AP1S3: variants seen among roughly 807,000 people sequenced by gnomAD.
AP1S3 encodes the protein AP-1 complex subunit sigma-3.
AP1S3 carries 10 observed loss-of-function variants against 20.9 expected under a neutral mutation model. The ratio of observed to expected loss-of-function variants is 0.48; its 90% CI spans 0.29 to 0.81. The LOEUF (loss-of-function observed/expected upper bound fraction) is 0.81. AP1S3 is among the 30% of genes least tolerant of loss of function. The pLI, the probability that AP1S3 is intolerant of heterozygous loss-of-function variation, is 0.08. For missense variants in AP1S3, 154 were observed against 183.8 expected (o/e 0.84, Z 0.94); for synonymous variants, 41 against 61.5 (o/e 0.67, Z 1.56).
At chr2:223,787,263 C>A (rs1691099637) in intron 1 of AP1S3, among the ~76,000 whole-genome samples, 1 of 152,204 alleles carries the variant, frequency 6.6e-6, no homozygotes, top group Non-Finnish European at 1.5e-5. Context: ...CCTTCAGAAC[C>A]ATGGGCCAAT....
chr2:223,814,455 C>A (rs899999437), intron 1 of AP1S3, among the ~76,000 whole-genome samples: 6 of 152,182 alleles, frequency 3.9e-5, no homozygotes, highest in African/African-American at 1.4e-4. Flanking sequence ...GGCCTTTCTG[C>A]TTCTCAGGCA....
At chr2:223,770,979 C>T (rs1482848619) in intron 3 of AP1S3, among the ~76,000 whole-genome samples, 1 of 152,026 alleles carries the variant, frequency 6.6e-6, no homozygotes, top group African/African-American at 2.4e-5. Context: ...AGTGATCCCC[C>T]CCACCTTGGC....
chr2:223,828,692 C>T (rs1376813142), intron 1 of AP1S3, among the ~76,000 whole-genome samples: 1 of 151,754 alleles, frequency 6.6e-6, no homozygotes, highest in Non-Finnish European at 1.5e-5. Flanking sequence ...AACACACTCT[C>T]TGAGGCCCAG....
chr2:223,823,312 C>T (rs1057265289), intron 1 of AP1S3, among the ~76,000 whole-genome samples: 1 of 152,190 alleles, frequency 6.6e-6, no homozygotes, highest in Non-Finnish European at 1.5e-5. Flanking sequence ...CCTCACTCTT[C>T]ACAATGGCCC....
chr2:223,823,704 T>C (rs1407384500), intron 1 of AP1S3, among the ~76,000 whole-genome samples: 2 of 152,172 alleles, frequency 1.3e-5, no homozygotes, highest in Non-Finnish European at 2.9e-5. Context: ...AAACAATGTA[T>C]TATATACTTG....
Position 223,833,136 on chromosome 2 carries a change from C to T in AP1S3, c.3+4312G>A, listed in dbSNP as rs558712730. Among the ~76,000 whole-genome samples, 12 of 151,966 alleles carry T rather than the reference C, an allele frequency of 7.9e-5. No homozygotes were observed. In the Middle Eastern group the frequency reaches 0.01, roughly 129 times the overall value. The stretch of plus-strand genomic sequence containing the variant: ...GTGTCACCTCAACTTTTCAGAAGCA[C>T]ATGGACTACATACATCAAAGTCCAC... On this transcript the variant is annotated intron_variant, in intron 1 of 4. Coordinates refer to ENST00000396654, the MANE Select transcript of AP1S3 (RefSeq NM_001039569.2).
chr2:223,760,938 C>T (rs182493409), intron 4 of AP1S3, among the ~76,000 whole-genome samples: 23 of 152,226 alleles, frequency 1.5e-4, no homozygotes, highest in South Asian at 6.2e-4. Flanking sequence ...CCTGTAGCCT[C>T]GGGAGGGGCC....
At chr2:223,806,010 T>G (rs966812082) in intron 1 of AP1S3, among the ~76,000 whole-genome samples, 25 of 151,998 alleles carry the variant, frequency 1.6e-4, no homozygotes, top group African/African-American at 5.8e-4. Context: ...GAAAGAGAAC[T>G]AAAAAGAACA....
chr2:223,822,295 G>C (rs1269569025), intron 1 of AP1S3, among the ~76,000 whole-genome samples: 10 of 152,014 alleles, frequency 6.6e-5, no homozygotes, highest in Admixed American at 5.9e-4. Flanking sequence ...GGGAGGCTGA[G>C]ACAAGAGGAT....
At chr2:223,788,383 C>T (rs1024479447) in intron 1 of AP1S3, among the ~76,000 whole-genome samples, 6 of 151,528 alleles carry the variant, frequency 4.0e-5, no homozygotes, top group Admixed American at 2.0e-4. Flanking sequence ...GAGACCGAGG[C>T]GGGCACATCA....
At chr2:223,794,453 T>C (rs901431723) in intron 1 of AP1S3, among the ~76,000 whole-genome samples, 3 of 152,192 alleles carry the variant, frequency 2.0e-5, no homozygotes, top group Admixed American at 6.5e-5. Context: ...CAGGGTTTTA[T>C]TGGGTATCAG....
chr2:223,778,098 T>C (rs1294321628), intron 1 of AP1S3, among the ~76,000 whole-genome samples: 1 of 151,588 alleles, frequency 6.6e-6, no homozygotes, highest in Non-Finnish European at 1.5e-5. Flanking sequence ...AGGAGAAAAA[T>C]AAGTTTTTTT....
chr2:223,794,431 C>A (rs2106105775), intron 1 of AP1S3, among the ~76,000 whole-genome samples: 1 of 152,154 alleles, frequency 6.6e-6, no homozygotes, highest in East Asian at 1.9e-4. Flanking sequence ...GAAAGCCTTC[C>A]TTTAAAAAGC....
intron 1 of AP1S3, among the ~76,000 whole-genome samples, chr2:223,824,583 G>C (rs563413326): frequency 6.6e-6 from 1 of 152,028 alleles, no homozygotes; most frequent in African/African-American, 2.4e-5. Flanking sequence ...TGTCGCCCAG[G>C]CTGAAGTGCA....
chr2:223,825,617 C>T (rs1441221285), intron 1 of AP1S3, among the ~76,000 whole-genome samples: 1 of 152,194 alleles, frequency 6.6e-6, no homozygotes, highest in Non-Finnish European at 1.5e-5. Context: ...ATTTGCTATG[C>T]ATGTAAAAAA....
At chr2:223,830,700 T>C (rs1000744893) in intron 1 of AP1S3, among the ~76,000 whole-genome samples, 2 of 152,116 alleles carry the variant, frequency 1.3e-5, no homozygotes, top group Admixed American at 1.3e-4. Context: ...CAATCATTTC[T>C]TACCAGCCCA....
Position 223,837,451 on chromosome 2 carries a change from C to G in AP1S3, c.-1G>C. On this transcript the variant is annotated 5_prime_UTR_variant, in exon 1 of 5. Transcript: ENST00000396654. ...CCGGCGGTTCCCCCGCACTCACCAT[C>G]GTGGCTGGGCCGCCGCCTCCCCCGC... 7.8e-7 allele frequency: 1 copy of G among 1,277,680 alleles called. No homozygotes were observed. 79.1% of individuals were successfully genotyped at this position (1,277,680 alleles called of 1,614,324 possible). A position where few individuals can be genotyped will look rare whatever the true frequency, so the allele number is the denominator to read the frequency against.
intron 1 of AP1S3, among the ~76,000 whole-genome samples, chr2:223,828,498 T>G (rs1692186402): frequency 6.6e-6 from 1 of 152,110 alleles, no homozygotes; most frequent in Non-Finnish European, 1.5e-5. Flanking sequence ...CCCTACCCCA[T>G]GTGCCACATC....
rs1559271024 is a variant in AP1S3 at position 223,756,425 on chromosome 2, GAA to G, written c.*2288_*2289del. On this transcript the variant is annotated 3_prime_UTR_variant, in exon 5 of 5. Coordinates refer to ENST00000396654, the MANE Select transcript of AP1S3 (RefSeq NM_001039569.2). ...AGGAAGGGAGGGAAGGAGAGAGAGA[GAA>G]GAAGGAAGGAAGAAAGGAAGGAAAA... 1.3e-5 allele frequency: 8 copies of G among 602,890 alleles called. 1 individual carries two copies. The South Asian group carries it at 4.3e-4, about 33-fold the overall frequency. 37.3% of individuals were successfully genotyped at this position (602,890 alleles called of 1,614,324 possible). A position where few individuals can be genotyped will look rare whatever the true frequency, so the allele number is the denominator to read the frequency against.
Sources: allele counts gnomAD v4.1 joint callset (sites outside exome capture counted in the v4.1 genomes callset), GRCh38; gene constraint gnomAD v4.1.1; transcripts MANE v1.5; gene names NCBI Gene and HGNC (gene_info 2026-07-23, HGNC 2026-07-21).